The following IPO11 variants were observed in gnomAD, a reference collection of about 807,000 sequenced individuals.
IPO11 encodes importin 11.
Under a neutral mutation model 143.2 loss-of-function variants are expected in IPO11, and 66 were observed. The observed-to-expected ratio is 0.46, with a 90% CI of 0.38 to 0.57. IPO11 has a LOEUF of 0.57. IPO11 is among the 20% of genes least tolerant of loss of function. The pLI, the probability that IPO11 is intolerant of heterozygous loss-of-function variation, is 0.00. For synonymous variants in IPO11, 385 were observed against 377.8 expected (o/e 1.02, Z -0.22); for missense variants, 1,026 against 1,141.0 (o/e 0.90, Z 1.45).
In IPO11 at chr5:62,487,958, G is replaced by A. The variant is rs994888507; in HGVS notation, c.1309+97G>A. ...ACAATGCATACTGTACTGTTTCCTG[G>A]GTCATATAATAAATATGAATTTGAG... On this transcript the variant is annotated intron_variant, in intron 13 of 29. Transcript: ENST00000325324. The A allele has an allele frequency of 4.1e-6, 4 of 973,376 alleles. No homozygotes were observed. In the African/African-American group the frequency reaches 6.9e-5, roughly 17 times the overall value. The allele number at this position is 973,376 out of a possible 1,614,324, so 60.3% of individuals were successfully genotyped here.
chr5:62,555,367 T>C lies in IPO11; in HGVS notation c.2460+4031T>C, dbSNP rs372205452. On this transcript the variant is annotated intron_variant, in intron 26 of 29. Coordinates refer to ENST00000325324, the MANE Select transcript of IPO11 (RefSeq NM_016338.5). ...TCTCACTCCATCATCCAGGCTAGAATGCAGTGGCACAATCATAGCTCACTG... is the reference window on the plus strand; with the variant it reads ...TCTCACTCCATCATCCAGGCTAGAACGCAGTGGCACAATCATAGCTCACTG... 6.6e-5 allele frequency among the ~76,000 whole-genome samples: 10 copies of C among 152,128 alleles called. No homozygotes were observed. In the South Asian group the frequency reaches 2.1e-3, roughly 32 times the overall value.
In IPO11 at chr5:62,550,368, T is replaced by G; in HGVS notation, c.2252T>G (p.Val751Gly). Residue 751 changes from valine to glycine, a missense_variant and splice_region_variant, in exon 25 of 30, where the codon GTT (valine) becomes GGT (glycine). Physicochemically the swap from Val to Gly is moderately radical, Grantham distance 109. Transcript: ENST00000325324. The stretch of plus-strand genomic sequence containing the variant: ...CCAATCTTTCTTTCTGGTTTTTAGG[T>G]TGTGGAAAATGCCCTTAAAGTGAAC... ...TTEGQVQVLK[V>G]VENALKVNPI... The G allele has an allele frequency of 2.5e-6, 4 of 1,608,680 alleles. No individual in the cohort carries two copies. The highest frequency in any genetic ancestry group is 3.4e-6 in the Non-Finnish European group (4 of 1,175,976).
At chr5:62,460,889 G>A (rs1380124367) in intron 5 of IPO11, among the ~76,000 whole-genome samples, 4 of 152,070 alleles carry the variant, frequency 2.6e-5, no homozygotes, top group Admixed American at 1.3e-4. Flanking sequence ...TTCCAGCTGA[G>A]CCTTCTGTAA....
At chr5:62,585,776 C>CA (rs1397008899) in intron 27 of IPO11, among the ~76,000 whole-genome samples, 1 of 151,658 alleles carries the variant, frequency 6.6e-6, no homozygotes, top group African/African-American at 2.4e-5. Flanking sequence ...GCTTGTTGCA[C>CA]AGTGTTAATA....
chr5:62,570,696 A>C (rs897867181), intron 27 of IPO11, among the ~76,000 whole-genome samples: 1 of 152,232 alleles, frequency 6.6e-6, no homozygotes, highest in Admixed American at 6.5e-5. Context: ...TACGTTCTCA[A>C]TGCTTTCCTC....
At chr5:62,612,317 A>G (rs1422430486) in intron 29 of IPO11, among the ~76,000 whole-genome samples, 1 of 152,194 alleles carries the variant, frequency 6.6e-6, no homozygotes, top group Non-Finnish European at 1.5e-5. Context: ...ATGGGGGTCT[A>G]TTGATATGGT....
chr5:62,415,549 A>G (rs539623510), intron 1 of IPO11, among the ~76,000 whole-genome samples: 9 of 121,636 alleles, frequency 7.4e-5, no homozygotes, highest in African/African-American at 2.9e-4. Flanking sequence ...ATTCACTGCA[A>G]CCTCCGCCTC....
chr5:62,467,348 TC>T, intron 6 of IPO11, 85 bp downstream of exon 6: 3 of 1,384,416 alleles, frequency 2.2e-6, no homozygotes, highest in Non-Finnish European at 2.9e-6. Context: ...GGTTTTCTGT[TC>T]CCAGTTTCAC....
intron 22 of IPO11, among the ~76,000 whole-genome samples, chr5:62,531,018 T>C (rs1742524979): frequency 6.6e-6 from 1 of 152,216 alleles, no homozygotes; most frequent in Non-Finnish European, 1.5e-5. Flanking sequence ...TTTTCAACCT[T>C]TGAGTTCCTC....
intron 19 of IPO11, among the ~76,000 whole-genome samples, chr5:62,513,414 A>AC (rs566338445): frequency 0.088 from 4,511 of 51,006 alleles, 422 homozygotes; most frequent in African/African-American, 0.17. Flanking sequence ...GGGGGCGCTG[A>AC]CCCCCCCCCC....
chr5:62,493,902 C>A, intron 15 of IPO11, 96 bp from the exon 16 acceptor site: 1 of 1,129,664 alleles, frequency 8.9e-7, no homozygotes, highest in Non-Finnish European at 1.2e-6. Context: ...AGATTGCATT[C>A]TTACTACATT....
intron 20 of IPO11, among the ~76,000 whole-genome samples, chr5:62,519,416 C>T (rs999910586): frequency 1.1e-4 from 17 of 152,148 alleles, no homozygotes; most frequent in Non-Finnish European, 2.1e-4. Context: ...GTCTTTCTCA[C>T]TCTAACATAT....
chr5:62,588,126 A>C (rs1306695113), intron 27 of IPO11, among the ~76,000 whole-genome samples: 1 of 152,090 alleles, frequency 6.6e-6, no homozygotes, highest in Non-Finnish European at 1.5e-5. Context: ...ATGCACTTCC[A>C]CTTCAACCAC....
intron 20 of IPO11, among the ~76,000 whole-genome samples, chr5:62,522,437 A>G (rs1476611544): frequency 1.3e-5 from 2 of 152,088 alleles, no homozygotes; most frequent in East Asian, 3.9e-4. Context: ...GGCATGCACC[A>G]ACATGCCTGG....
chr5:62,549,085 GTGTTTTTGT>G (rs1743308532), intron 24 of IPO11, among the ~76,000 whole-genome samples: 1 of 119,220 alleles, frequency 8.4e-6, no homozygotes, highest in Non-Finnish European at 1.8e-5. Context: ...AGATCTAGTT[GTGTTTTTGT>G]TTTTTGTTTT....
chr5:62,550,470 T>G lies in IPO11; in HGVS notation c.2346+8T>G. On this transcript the variant is annotated splice_region_variant and intron_variant, in intron 25 of 29. Coordinates refer to ENST00000325324, the MANE Select transcript of IPO11 (RefSeq NM_016338.5). ...GGTATTATAGAAGGGGAGGTAAGAT[T>G]TTTCTTTAAGTTCCAAAGGTAGTGT... The G allele has an allele frequency of 6.3e-7, 1 of 1,588,336 alleles. No homozygotes were observed. Among genetic ancestry groups the G allele is most frequent in the South Asian group, 1.1e-5 (1 of 89,694 alleles).
chr5:62,592,936 A>C (rs1357656675), intron 28 of IPO11, among the ~76,000 whole-genome samples: 1 of 152,172 alleles, frequency 6.6e-6, no homozygotes, highest in African/African-American at 2.4e-5. Context: ...CAGCCAAAAG[A>C]TATCAATGGC....
At chr5:62,507,413 A>T (rs1189574690) in intron 19 of IPO11, among the ~76,000 whole-genome samples, 1 of 152,158 alleles carries the variant, frequency 6.6e-6, no homozygotes, top group Non-Finnish European at 1.5e-5. Context: ...AACAACATTG[A>T]GAGAATTTGG....
chr5:62,474,735 G>A (rs570719130), intron 8 of IPO11, among the ~76,000 whole-genome samples: 46 of 152,288 alleles, frequency 3.0e-4, no homozygotes, highest in Middle Eastern at 3.4e-3. Flanking sequence ...ATATACAGAA[G>A]TCCCTCCTTG....
Sources: gnomAD v4.1 joint callset for allele counts (sites outside exome capture counted in the v4.1 genomes callset) on GRCh38, gnomAD v4.1.1 for gene constraint, MANE v1.5 for transcripts, NCBI Gene and HGNC (gene_info 2026-07-23, HGNC 2026-07-21) for gene names.